The following CHRM3 variants were observed in gnomAD, a reference collection of about 807,000 sequenced individuals.
CHRM3 encodes the protein cholinergic receptor muscarinic 3, also known as muscarinic acetylcholine receptor M3.
CHRM3 carries 11 observed loss-of-function variants against 41.8 expected under a neutral mutation model. The observed-to-expected ratio is 0.26, with a 90% CI of 0.17 to 0.44. The LOEUF (loss-of-function observed/expected upper bound fraction) is 0.44. CHRM3 is among the 20% of genes least tolerant of loss of function. CHRM3 has a pLI of 1.00. For missense variants in CHRM3, 571 were observed against 745.4 expected (o/e 0.77, Z 2.72); for synonymous variants, 297 against 301.4 (o/e 0.99, Z 0.15).
chr1:239,780,387 A>G (rs148367256), intron 5 of CHRM3, among the ~76,000 whole-genome samples: 1 of 152,146 alleles, frequency 6.6e-6, no homozygotes, highest in Non-Finnish European at 1.5e-5. Context: ...TATGTTGAGC[A>G]TGTTTTCCTA....
In CHRM3 at chr1:239,540,689, T is replaced by C. The variant is rs1032721043; in HGVS notation, c.-421-4952T>C. ...CAGCATACTAACTTCTAATTTTTACTAATTTACCATACACAATATTGCCTG... is the reference window on the plus strand; with the variant it reads ...CAGCATACTAACTTCTAATTTTTACCAATTTACCATACACAATATTGCCTG... On this transcript the variant is annotated intron_variant, in intron 2 of 6. Coordinates refer to ENST00000676153, the MANE Select transcript of CHRM3 (RefSeq NM_001375978.1). Among the ~76,000 whole-genome samples, 10 of 152,202 alleles carry C rather than the reference T, an allele frequency of 6.6e-5. 1 individual carries two copies. Among genetic ancestry groups the C allele is most frequent in the Admixed American group, 5.2e-4 (8 of 15,278 alleles).
chr1:239,605,875 A>T (rs368375152), intron 3 of CHRM3: 4 of 152,368 alleles, frequency 2.6e-5, no homozygotes, highest in Middle Eastern at 3.4e-3. Flanking sequence ...GGTAATAAAC[A>T]TCATTCAAAG....
At chr1:239,573,019 G>T (rs886282920) in intron 3 of CHRM3, among the ~76,000 whole-genome samples, 5 of 152,116 alleles carry the variant, frequency 3.3e-5, no homozygotes, top group Non-Finnish European at 5.9e-5. Context: ...TAAGCTTCCA[G>T]GGGTTCTTGG....
chr1:239,665,164 G>GAAAAA (rs56144752), intron 4 of CHRM3, among the ~76,000 whole-genome samples: 2 of 119,474 alleles, frequency 1.7e-5, no homozygotes, highest in African/African-American at 6.1e-5. Flanking sequence ...GTTTTTCTCT[G>GAAAAA]AAAAAAAAAA....
chr1:239,810,344 T>C lies in CHRM3; in HGVS notation c.-146-16908T>C, dbSNP rs549066435. On this transcript the variant is annotated intron_variant, in intron 5 of 6. Transcript: ENST00000676153. ...TCCGTTGCAGAAAGAGCCACAGACA[T>C]AAGGGGGCTGAAGTCACAGCCTGTA... is the stretch of plus-strand genomic sequence containing the variant. Among the ~76,000 whole-genome samples the C allele has an allele frequency of 3.3e-5, 5 of 152,066 alleles. No homozygotes were observed. The South Asian group carries it at 1.0e-3, about 32-fold the overall frequency.
chr1:239,827,123 G>A (rs151295192), intron 5 of CHRM3, 129 bp from the exon 6 acceptor site: 136 of 152,322 alleles, frequency 8.9e-4, no homozygotes, highest in Middle Eastern at 3.4e-3. Context: ...TATGACTTCA[G>A]TTGAAGACTC....
intron 1 of CHRM3, among the ~76,000 whole-genome samples, chr1:239,489,264 T>C (rs1298305487): frequency 1.3e-5 from 2 of 152,014 alleles, no homozygotes; most frequent in African/African-American, 4.8e-5. Flanking sequence ...ATATAAAAAT[T>C]AGCCGGGCGT....
intron 3 of CHRM3, among the ~76,000 whole-genome samples, chr1:239,556,781 A>C (rs1232821846): frequency 1.3e-5 from 2 of 152,152 alleles, no homozygotes; most frequent in Non-Finnish European, 2.9e-5. Context: ...AAAAGAAACC[A>C]CTATTTATAA....
At chr1:239,490,317 T>A (rs1667472354) in intron 1 of CHRM3, among the ~76,000 whole-genome samples, 1 of 152,162 alleles carries the variant, frequency 6.6e-6, no homozygotes, top group African/African-American at 2.4e-5. Flanking sequence ...GGCTGAAAGA[T>A]CTAGTCATGT....
intron 6 of CHRM3, among the ~76,000 whole-genome samples, chr1:239,829,151 C>T (rs548883759): frequency 3.3e-5 from 5 of 152,210 alleles, no homozygotes; most frequent in African/African-American, 4.8e-5. Flanking sequence ...ATCTCTGTGG[C>T]GAAGTGGATT....
chr1:239,612,680 C>T (rs1408417096), intron 3 of CHRM3, among the ~76,000 whole-genome samples: 2 of 152,160 alleles, frequency 1.3e-5, no homozygotes, highest in Non-Finnish European at 2.9e-5. Context: ...TCCCTGCAGA[C>T]ATGCACCTAA....
chr1:239,443,607 G>T (rs1219828813), intron 1 of CHRM3, among the ~76,000 whole-genome samples: 2 of 152,138 alleles, frequency 1.3e-5, no homozygotes, highest in Non-Finnish European at 2.9e-5. Flanking sequence ...AATAAATCCA[G>T]ACTATTTTGT....
intron 1 of CHRM3, among the ~76,000 whole-genome samples, chr1:239,408,788 G>T (rs1660841349): frequency 7.2e-6 from 1 of 138,600 alleles, no homozygotes; most frequent in South Asian, 2.3e-4. Flanking sequence ...TGGCTGGCTA[G>T]ATTTTTTTTT....
At chr1:239,771,732 C>G (rs1667691836) in intron 5 of CHRM3, among the ~76,000 whole-genome samples, 1 of 152,172 alleles carries the variant, frequency 6.6e-6, no homozygotes, top group Non-Finnish European at 1.5e-5. Context: ...AGAAAGCAGC[C>G]AGAGATAATA....
chr1:239,742,118 A>G (rs1334968930), intron 5 of CHRM3, among the ~76,000 whole-genome samples: 1 of 151,458 alleles, frequency 6.6e-6, no homozygotes, highest in African/African-American at 2.4e-5. Context: ...CTCTGTTCCT[A>G]TAGCTTTGGA....
At chr1:239,668,507 T>C (rs1296563409) in intron 4 of CHRM3, among the ~76,000 whole-genome samples, 3 of 152,182 alleles carry the variant, frequency 2.0e-5, no homozygotes, top group Non-Finnish European at 4.4e-5. Flanking sequence ...ATCACTTCAG[T>C]CTTCCACTCA....
chr1:239,600,771 TTTC>T (rs757808508), intron 3 of CHRM3, among the ~76,000 whole-genome samples: 42 of 150,920 alleles, frequency 2.8e-4, no homozygotes, highest in South Asian at 6.3e-4. Context: ...TTCCTTCCTT[TTTC>T]TTCTTTTCCT....
rs1239443320 is a variant in CHRM3 at position 239,912,410 on chromosome 1, G to A, written c.*3186G>A. 1 of 167,082 alleles carries A rather than the reference G, an allele frequency of 6.0e-6. No individual in the cohort carries two copies. The highest frequency in any genetic ancestry group is 1.9e-4 in the East Asian group (1 of 5,192). The allele number at this position is 167,082 out of a possible 1,614,324, so 10.3% of individuals were successfully genotyped here. On this transcript the variant is annotated 3_prime_UTR_variant, in exon 7 of 7. Transcript: ENST00000676153. Reference sequence around the variant, plus strand: ...TTTTCATTTCTCTTTACCCTTTAGTGTACAATAGTTGTAGACTCTGACGGA... The same window carrying A: ...TTTTCATTTCTCTTTACCCTTTAGTATACAATAGTTGTAGACTCTGACGGA...
chr1:239,593,867 C>A (rs1319762346), intron 3 of CHRM3, among the ~76,000 whole-genome samples: 2 of 152,114 alleles, frequency 1.3e-5, no homozygotes, highest in African/African-American at 4.8e-5. Flanking sequence ...GTAATTAAAC[C>A]CTGATGTTCA....
Sources: allele counts gnomAD v4.1 joint callset (sites outside exome capture counted in the v4.1 genomes callset), GRCh38; gene constraint gnomAD v4.1.1; transcripts MANE v1.5; gene names NCBI Gene and HGNC (gene_info 2026-07-23, HGNC 2026-07-21).